XRN1: variants seen among roughly 807,000 people sequenced by gnomAD.
XRN1 encodes the protein strand-exchange protein 1 homolog.
In XRN1, 67 loss-of-function variants were observed where a neutral mutation model predicts 222.3. The ratio of observed to expected loss-of-function variants is 0.30; its 90% CI spans 0.25 to 0.37. The LOEUF (loss-of-function observed/expected upper bound fraction) is 0.37. Among genes scored for constraint, XRN1 ranks in the 10% least tolerant of loss-of-function variants. XRN1 has a pLI of 1.00. For synonymous variants in XRN1, 643 were observed against 652.4 expected (o/e 0.99, Z 0.22); for missense variants, 1,707 against 2,000.2 (o/e 0.85, Z 2.80).
rs923642305 is a variant in XRN1 at position 142,440,053 on chromosome 3, C to T, written c.76-7160G>A. Among the ~76,000 whole-genome samples, 4 of 152,060 alleles carry T rather than the reference C, an allele frequency of 2.6e-5. No individual in the cohort carries two copies. The South Asian group carries it at 6.2e-4, about 24-fold the overall frequency. ...ATCCAGCAGCAGGACTGAGGGTGCC[C>T]GGGGAAAGCGCCAGCCCATGCCATC... On this transcript the variant is annotated intron_variant, in intron 1 of 40. Coordinates refer to ENST00000392981, the MANE Select transcript of XRN1 (RefSeq NM_001282857.2).
At chr3:142,424,718 G>T (rs566768724) in intron 5 of XRN1, among the ~76,000 whole-genome samples, 1 of 152,014 alleles carries the variant, frequency 6.6e-6, no homozygotes, top group Non-Finnish European at 1.5e-5. Context: ...ATAATCGGGC[G>T]GGGAGTGGGT....
chr3:142,397,484 T>C (rs374705526), intron 19 of XRN1, 24 bp from the exon 20 acceptor site: 84 of 1,558,502 alleles, frequency 5.4e-5, no homozygotes, highest in South Asian at 5.2e-4. Context: ...ATAAAAATTA[T>C]ATAACCAAAA....
At chr3:142,363,629 T>C (rs1467000232) in intron 29 of XRN1, among the ~76,000 whole-genome samples, 2 of 152,084 alleles carry the variant, frequency 1.3e-5, no homozygotes, top group African/African-American at 4.8e-5. Flanking sequence ...TTGTAAAGTT[T>C]ACTCTAGCTT....
chr3:142,326,676 G>A (rs1412066925), intron 37 of XRN1, among the ~76,000 whole-genome samples: 1 of 152,050 alleles, frequency 6.6e-6, no homozygotes, highest in African/African-American at 2.4e-5. Context: ...TATTAACAGT[G>A]GTGAAAGTGG....
At position 142,447,859 on chromosome 3, in the gene XRN1, C is replaced by G; in HGVS notation, c.75+11G>C. On this transcript the variant is annotated intron_variant, in intron 1 of 40. Coordinates refer to ENST00000392981, the MANE Select transcript of XRN1 (RefSeq NM_001282857.2). This position sits in a 1 kb window ranked among gnomAD's most constrained non-coding sequence, Gnocchi z 4.2. ...CTCGGCTTTCTGAGCCGTTGCCCCTCGCTCACCCACCTGATGCTCTTTCAC... is the reference window on the plus strand; with the variant it reads ...CTCGGCTTTCTGAGCCGTTGCCCCTGGCTCACCCACCTGATGCTCTTTCAC... The G allele has an allele frequency of 6.2e-7, 1 of 1,613,084 alleles. No individual in the cohort carries two copies. The highest frequency in any genetic ancestry group is 8.5e-7 in the Non-Finnish European group (1 of 1,179,784).
chr3:142,418,611 T>TG lies in XRN1; in HGVS notation c.1241-3dup. On this transcript the variant is annotated splice_region_variant and splice_polypyrimidine_tract_variant and intron_variant, in intron 11 of 40. Transcript: ENST00000392981. ...CTTCAGTCTCATCTTCTAAATTATC[T>TG]GGGGAAAAAAGTCAGAAAGATAGTG... 1.9e-6 allele frequency: 3 copies of TG among 1,586,068 alleles called. No individual in the cohort carries two copies. Among genetic ancestry groups the TG allele is most frequent in the Non-Finnish European group, 2.6e-6 (3 of 1,169,676 alleles).
rs200366259 is a variant in XRN1, at chr3:142,399,959, AC to A, written c.2207+484del. Among the ~76,000 whole-genome samples, 567 of 152,106 alleles carry A rather than the reference AC, an allele frequency of 3.7e-3. 4 individuals are homozygous for A. The highest frequency in any genetic ancestry group is 0.011 in the Admixed American group (165 of 15,272). On this transcript the variant is annotated intron_variant, in intron 19 of 40. Transcript: ENST00000392981. ...AAAATTTATATGAAATAATAAAAAA[AC>A]GACAAAAAATAATTTATCTAAACAT...
Position 142,332,764 on chromosome 3 carries a change from T to A in XRN1, c.4062+203A>T, listed in dbSNP as rs2065736260. On this transcript the variant is annotated intron_variant, in intron 35 of 40. Coordinates refer to ENST00000392981, the MANE Select transcript of XRN1 (RefSeq NM_001282857.2). ...TCATCCCAGTTACCTAGTAGCAATGTTTGAAAAGCAGGGGAACTGTGGTCT... is the reference window on the plus strand; with the variant it reads ...TCATCCCAGTTACCTAGTAGCAATGATTGAAAAGCAGGGGAACTGTGGTCT... The A allele has an allele frequency of 3.7e-6, 3 of 808,538 alleles. No individual in the cohort carries two copies. In the Admixed American group the frequency reaches 1.0e-4, roughly 27 times the overall value. 50.1% of individuals were successfully genotyped at this position (808,538 alleles called of 1,614,324 possible). A position where few individuals can be genotyped will look rare whatever the true frequency, so the allele number is the denominator to read the frequency against.
At chr3:142,441,347 A>C (rs2070203758) in intron 1 of XRN1, among the ~76,000 whole-genome samples, 1 of 152,224 alleles carries the variant, frequency 6.6e-6, no homozygotes, top group Non-Finnish European at 1.5e-5. Flanking sequence ...TGGACACCTG[A>C]AGCAGAAGTG....
intron 18 of XRN1, among the ~76,000 whole-genome samples, chr3:142,403,116 G>A (rs772271401): frequency 1.3e-5 from 2 of 152,118 alleles, no homozygotes; most frequent in Non-Finnish European, 2.9e-5. Flanking sequence ...CTCAAGGTTC[G>A]ACATAATCTG....
At chr3:142,329,636 G>C in intron 36 of XRN1, 21 bp from the exon 37 acceptor site, 1 of 1,522,160 alleles carries the variant, frequency 6.6e-7, no homozygotes, top group Non-Finnish European at 8.7e-7. Context: ...AGAGAAAAGA[G>C]TCTATCTTTA....
intron 33 of XRN1, among the ~76,000 whole-genome samples, chr3:142,336,306 T>C (rs1577242603): frequency 6.6e-6 from 1 of 152,164 alleles, no homozygotes; most frequent in African/African-American, 2.4e-5. Context: ...TATTCTATTA[T>C]ATTGGATATA....
At chr3:142,440,379 G>A (rs1330415306) in intron 1 of XRN1, among the ~76,000 whole-genome samples, 2 of 152,024 alleles carry the variant, frequency 1.3e-5, no homozygotes, top group Non-Finnish European at 2.9e-5. Context: ...GAACATAGGA[G>A]AAGGAACACC....
At position 142,421,032 on chromosome 3, in the gene XRN1, T is replaced by A. The variant is rs2069008319; in HGVS notation, c.1157A>T (p.Glu386Val). The A allele has an allele frequency of 2.5e-6, 4 of 1,613,928 alleles. No individual in the cohort carries two copies. The highest frequency in any genetic ancestry group is 3.4e-6 in the Non-Finnish European group (4 of 1,179,992). The change falls in exon 10 of 41, where the codon GAA (glutamate) becomes GTA (valine). Residue 386 changes from glutamate to valine, a missense_variant. Around this residue, in one of 2 missense-constraint regions of XRN1, gnomAD observed 1,234 missense variants for 1,518.2 expected, o/e 0.81. Coordinates refer to ENST00000392981, the MANE Select transcript of XRN1 (RefSeq NM_001282857.2). ...AATAGACACCTTTAACTTTTTCTTT[T>A]CCTTGTAGTTCCTGGCTTCTTCTGC... ...VAAEEARNYK[E>V]KKKLKGQENS...
intron 3 of XRN1, chr3:142,426,476 T>G (rs1403838560): frequency 1.7e-5 from 6 of 347,192 alleles, no homozygotes; most frequent in African/African-American, 4.3e-5. Context: ...AAACATAAGT[T>G]TCTTCAAGGT....
At chr3:142,314,778 G>T (rs929437660) in intron 39 of XRN1, among the ~76,000 whole-genome samples, 2 of 151,512 alleles carry the variant, frequency 1.3e-5, no homozygotes, top group Non-Finnish European at 2.9e-5. Context: ...GGTGGTGGGT[G>T]CCATAGTCCC....
chr3:142,331,643 A>G (rs1169522542), intron 36 of XRN1, among the ~76,000 whole-genome samples: 1 of 152,242 alleles, frequency 6.6e-6, no homozygotes, highest in Non-Finnish European at 1.5e-5. Context: ...ATTACTGAGG[A>G]CAAAAGCTAG....
chr3:142,337,093 A>G (rs915084965), intron 33 of XRN1, among the ~76,000 whole-genome samples: 3 of 152,190 alleles, frequency 2.0e-5, no homozygotes, highest in African/African-American at 7.2e-5. Flanking sequence ...CCATGCATAT[A>G]TAAAATATAA....
intron 1 of XRN1, among the ~76,000 whole-genome samples, chr3:142,444,815 A>T (rs759120613): frequency 9.2e-5 from 14 of 151,546 alleles, no homozygotes; most frequent in Admixed American, 6.6e-5. Flanking sequence ...CATGAACCCC[A>T]TAAGTATATA....
Sources: gnomAD v4.1 joint callset for allele counts (sites outside exome capture counted in the v4.1 genomes callset) on GRCh38, gnomAD v4.1.1 for gene constraint, gnomAD v4.1.1 regional missense constraint, Gnocchi (gnomAD v3.1) non-coding constraint, MANE v1.5 for transcripts, NCBI Gene and HGNC (gene_info 2026-07-23, HGNC 2026-07-21) for gene names.